The following GRAMD1B variants were observed in gnomAD, a reference collection of about 807,000 sequenced individuals.
GRAMD1B encodes the protein protein Aster-B.
GRAMD1B carries 37 observed loss-of-function variants against 99.7 expected under a neutral mutation model. The observed-to-expected ratio is 0.37, with a 90% CI of 0.29 to 0.49. The LOEUF (loss-of-function observed/expected upper bound fraction) is 0.49, where lower values mean the gene tolerates loss of function less well. GRAMD1B is among the 20% of genes least tolerant of loss of function. GRAMD1B has a pLI of 0.98. For missense variants in GRAMD1B, 888 were observed against 1,009.2 expected (o/e 0.88, Z 1.63); for synonymous variants, 427 against 387.6 (o/e 1.10, Z -1.19).
intron 2 of GRAMD1B, among the ~76,000 whole-genome samples, chr11:123,486,757 G>GAATGA (rs1937845900): frequency 1.3e-5 from 2 of 152,198 alleles, no homozygotes; most frequent in African/African-American, 4.8e-5. Context: ...AAGAAATTAT[G>GAATGA]CGTAAGGTAA....
chr11:123,602,367 A>G lies in GRAMD1B; in HGVS notation c.1051-1059A>G, dbSNP rs1201848293. On this transcript the variant is annotated intron_variant, in intron 8 of 19. Transcript: ENST00000635736. The stretch of plus-strand genomic sequence containing the variant: ...GAATATTGTTCAATTTTTATTTTTT[A>G]TATTTTTAAATTTTTTTATTATACT... Among the ~76,000 whole-genome samples the G allele has an allele frequency of 4.0e-5, 6 of 151,634 alleles. No homozygotes were observed. In the South Asian group the frequency reaches 6.2e-4, roughly 16 times the overall value.
In GRAMD1B at chr11:123,608,709, G is replaced by T; in HGVS notation, c.1564G>T (p.Glu522Ter). The T allele has an allele frequency of 6.4e-7, 1 of 1,562,644 alleles. No homozygotes were observed. Among genetic ancestry groups the T allele is most frequent in the Non-Finnish European group, 8.7e-7 (1 of 1,152,396 alleles). Residue 522 changes from glutamate to a stop codon, truncating the protein, a stop_gained, in exon 12 of 20, where the codon GAA becomes TAA. Coordinates refer to ENST00000635736, the MANE Select transcript of GRAMD1B (RefSeq NM_001387025.1). LOFTEE classifies it high-confidence loss of function. ...EDLSGRQYVN[E>*]VFNFSVDKLY... ...CCTGAGTGGCCGGCAGTACGTGAAT[G>T]AAGTCTTCAACTTCAGCGTGGACAA...
chr11:123,497,978 C>T (rs935496375), intron 2 of GRAMD1B, among the ~76,000 whole-genome samples: 1 of 152,188 alleles, frequency 6.6e-6, no homozygotes, highest in Non-Finnish European at 1.5e-5. Flanking sequence ...CTCTTCCCTC[C>T]CCCTTCCCGG....
At chr11:123,398,720 ATT>A (rs1565473485) in intron 1 of GRAMD1B, among the ~76,000 whole-genome samples, 2 of 151,986 alleles carry the variant, frequency 1.3e-5, no homozygotes, top group Non-Finnish European at 2.9e-5. Context: ...TCATTTATAT[ATT>A]TTCTTTTTTT....
chr11:123,513,515 T>TTTCCTTCCTTCC (rs58960047), intron 2 of GRAMD1B, among the ~76,000 whole-genome samples: 27 of 144,828 alleles, frequency 1.9e-4, no homozygotes, highest in African/African-American at 7.4e-4. Context: ...TCTTTCTTTC[T>TTTCCTTCCTTCC]TTCCTTCCTT....
At chr11:123,483,561 A>G (rs999806035) in intron 2 of GRAMD1B, among the ~76,000 whole-genome samples, 1 of 151,686 alleles carries the variant, frequency 6.6e-6, no homozygotes, top group Non-Finnish European at 1.5e-5. Flanking sequence ...TAATTTTTGT[A>G]TATTTTTGTA....
intron 11 of GRAMD1B, among the ~76,000 whole-genome samples, chr11:123,607,177 C>T (rs73029856): frequency 0.052 from 7,868 of 152,206 alleles, 269 homozygotes; most frequent in African/African-American, 0.091. Context: ...AAGATAGCTG[C>T]GAAACTTGTT....
At chr11:123,560,513 G>T in intron 2 of GRAMD1B, 1 of 1,260,674 alleles carries the variant, frequency 7.9e-7, no homozygotes, top group South Asian at 1.3e-5. Context: ...ACAGGGCTTT[G>T]GGATGGTCAT....
At chr11:123,540,466 T>C (rs1036706339) in intron 2 of GRAMD1B, among the ~76,000 whole-genome samples, 3 of 152,236 alleles carry the variant, frequency 2.0e-5, no homozygotes, top group Admixed American at 6.5e-5. Flanking sequence ...ATTTGCTGGA[T>C]AATTGATGAC....
intron 2 of GRAMD1B, among the ~76,000 whole-genome samples, chr11:123,495,678 C>CTTTTTTTTTT (rs556302274): frequency 8.7e-6 from 1 of 114,400 alleles, no homozygotes; most frequent in Non-Finnish European, 1.9e-5. Context: ...CTTTCTTCTT[C>CTTTTTTTTTT]TTTTTTTTTT....
At chr11:123,476,559 C>A (rs1951288440) in intron 1 of GRAMD1B, among the ~76,000 whole-genome samples, 1 of 152,218 alleles carries the variant, frequency 6.6e-6, no homozygotes, top group Non-Finnish European at 1.5e-5. Flanking sequence ...TCGATGTTCA[C>A]CTCTCTGATG....
At position 123,556,879 on chromosome 11, in the gene GRAMD1B, G is replaced by A. The variant is rs1305804411; in HGVS notation, c.453-20488G>A. Among the ~76,000 whole-genome samples, 3 of 152,208 alleles carry A rather than the reference G, an allele frequency of 2.0e-5. No homozygotes were observed. The East Asian group carries it at 5.8e-4, about 29-fold the overall frequency. On this transcript the variant is annotated intron_variant, in intron 2 of 19. Coordinates refer to ENST00000635736, the MANE Select transcript of GRAMD1B (RefSeq NM_001387025.1). ...TGTCCTTTCAAGAAGGACAAGGGCA[G>A]AAAGTATGAGTGCCTCTATGGGAAA...
chr11:123,499,808 A>G (rs1375861804), intron 2 of GRAMD1B, among the ~76,000 whole-genome samples: 1 of 152,202 alleles, frequency 6.6e-6, no homozygotes, highest in Non-Finnish European at 1.5e-5. Context: ...TGTCAGCATG[A>G]TGGACGAATT....
intron 2 of GRAMD1B, among the ~76,000 whole-genome samples, chr11:123,526,639 G>C (rs1447406720): frequency 1.3e-5 from 2 of 152,092 alleles, no homozygotes; most frequent in African/African-American, 4.8e-5. Flanking sequence ...CTTAGGGCGG[G>C]CAGTCCCTAG....
chr11:123,612,903 G>A lies in GRAMD1B; in HGVS notation c.2023+39G>A, dbSNP rs763711515. 10 of 1,180,410 alleles carry A rather than the reference G, an allele frequency of 8.5e-6. No individual in the cohort carries two copies. The African/African-American group carries it at 1.2e-4, about 14-fold the overall frequency. 73.1% of individuals were successfully genotyped at this position (1,180,410 alleles called of 1,614,324 possible). On this transcript the variant is annotated intron_variant, in intron 15 of 19. Coordinates refer to ENST00000635736, the MANE Select transcript of GRAMD1B (RefSeq NM_001387025.1). ...TCCTTGCTGCTAGCTGGGCTGCAGA[G>A]ATGGTAAACTGCACTGCGGCCGCCC...
At chr11:123,369,523 A>C (rs1019885452) in intron 1 of GRAMD1B, among the ~76,000 whole-genome samples, 6 of 152,284 alleles carry the variant, frequency 3.9e-5, no homozygotes, top group African/African-American at 9.6e-5. Flanking sequence ...ATGGTCCGCC[A>C]AGCACTGGGG....
intron 1 of GRAMD1B, among the ~76,000 whole-genome samples, chr11:123,452,616 A>G (rs550057890): frequency 3.3e-5 from 5 of 152,286 alleles, no homozygotes; most frequent in Admixed American, 3.3e-4. Context: ...ACTGCACTCC[A>G]GCCTGGGTGA....
chr11:123,431,261 G>A, intron 1 of GRAMD1B, 95 bp downstream of exon 1: 1 of 600,922 alleles, frequency 1.7e-6, no homozygotes, highest in South Asian at 2.0e-5. Context: ...CGTCCTGGGG[G>A]AGAACAGGAG....
At chr11:123,426,908 G>A (rs556750760), upstream of GRAMD1B, among the ~76,000 whole-genome samples, 118 of 152,312 alleles carry the variant, frequency 7.7e-4, 1 homozygote, top group African/African-American at 2.1e-3. Context: ...TGGGTGTCTT[G>A]TGTCTGTAGG....
Sources: allele counts gnomAD v4.1 joint callset (sites outside exome capture counted in the v4.1 genomes callset), GRCh38; gene constraint gnomAD v4.1.1; transcripts MANE v1.5; gene names NCBI Gene and HGNC (gene_info 2026-07-23, HGNC 2026-07-21).